The following HELZ2 variants were observed in gnomAD, a reference collection of about 807,000 sequenced individuals.
HELZ2 encodes helicase with zinc finger 2.
In HELZ2, 143 loss-of-function variants were observed where a neutral mutation model predicts 208.8. The observed-to-expected ratio is 0.68, with a 90% CI of 0.60 to 0.79. HELZ2 has a LOEUF of 0.79. Ranked by LOEUF, HELZ2 falls within the 30% of genes least tolerant of loss-of-function variation. HELZ2 has a pLI of 0.00. For missense variants in HELZ2, 3,690 were observed against 3,794.5 expected (o/e 0.97, Z 0.72); for synonymous variants, 1,705 against 1,693.7 (o/e 1.01, Z -0.16).
At chr20:63,565,271 T>C in exon 8 of HELZ2, 1 of 1,605,244 alleles carries the variant, frequency 6.2e-7, no homozygotes. Context: ...AAGCCGCCCC[T>C]CGGGCGCCTT....
rs1465085819 is a variant in HELZ2 at position 63,563,526 on chromosome 20, G to T, written c.5296C>A (p.Pro1766Thr). The T allele has an allele frequency of 1.7e-5, 25 of 1,512,792 alleles. No homozygotes were observed. Among genetic ancestry groups the T allele is most frequent in the Non-Finnish European group, 2.1e-5 (24 of 1,132,144 alleles). The allele number at this position is 1,512,792 out of a possible 1,614,324, so 93.7% of individuals were successfully genotyped here. ...CCGTAGGGGACGGGGCAGGGGTCAG[G>T]CAGCGTCTCCCGGTTGCTGGGGAAG... is the stretch of plus-strand genomic sequence containing the variant. Residue 1766 changes from proline to threonine, a missense_variant, in exon 8 of 19, where the codon CCT (proline) becomes ACT (threonine). This residue lies in a region of HELZ2 where 2,564 missense variants were observed against 2,580.5 expected (regional missense o/e 0.99). Transcript: ENST00000467148.
exon 5 of HELZ2, chr20:63,568,664 G>C: frequency 6.2e-7 from 1 of 1,605,320 alleles, no homozygotes; most frequent in Non-Finnish European, 8.5e-7. Flanking sequence ...GAAGGTCATC[G>C]GGTCAATCTG....
In HELZ2 at chr20:63,572,096, G is replaced by A. The variant is rs533803192; in HGVS notation, c.278+12C>T. ...CTGCCCTACTCCAAGCTCCTGCCTC[G>A]AGTATCCTTACTTTGGGCAGAGCTC... is the stretch of plus-strand genomic sequence containing the variant. On this transcript the variant is annotated intron_variant, in intron 1 of 18. Coordinates refer to ENST00000467148, the Ensembl canonical transcript of HELZ2. The A allele has an allele frequency of 7.5e-6, 12 of 1,599,954 alleles. No individual in the cohort carries two copies. Among genetic ancestry groups the A allele is most frequent in the South Asian group, 4.5e-5 (4 of 89,178 alleles).
chr20:63,560,875 G>C (rs1357514294), exon 15 of HELZ2: 2 of 1,613,152 alleles, frequency 1.2e-6, no homozygotes, highest in African/African-American at 2.7e-5. Context: ...AGGTTTTGCA[G>C]CCGCTCATTC....
chr20:63,560,560 C>T lies in HELZ2; in HGVS notation c.7419G>A (p.Gln2473=), dbSNP rs907476383. ...ACACCAGCAGGCTCCGCTCGTGGCC[C>T]TGCACGTGGCCAAAGATGACAGGGC... The change falls in exon 16 of 19, where the codon CAG becomes CAA. Residue 2473 remains glutamine, a synonymous_variant. Coordinates refer to ENST00000467148, the Ensembl canonical transcript of HELZ2. 8 of 1,612,792 alleles carry T rather than the reference C, an allele frequency of 5.0e-6. No individual in the cohort carries two copies. In the African/African-American group the frequency reaches 9.3e-5, roughly 19 times the overall value.
At chr20:63,558,302 G>C (rs1233551491), downstream of HELZ2, 1 of 147,508 alleles carries the variant, frequency 6.8e-6, no homozygotes, top group Admixed American at 6.7e-5. Flanking sequence ...GCATCGCCCC[G>C]GCACCCCCCA....
At chr20:63,559,968 A>G (rs3810477) in exon 18 of HELZ2, 914,122 of 1,611,352 alleles carry the variant, frequency 0.57, 263,172 homozygotes, top group East Asian at 0.88. Flanking sequence ...TGACAGCCAC[A>G]TTCACTTGGT....
intron 3 of HELZ2, chr20:63,570,077 T>A (rs406488): frequency 0.52 from 203,147 of 387,472 alleles, 58,101 homozygotes; most frequent in Middle Eastern, 0.64. Context: ...GCCTCCCGAG[T>A]AGATGGGATC....
downstream of HELZ2, chr20:63,559,035 T>C: frequency 3.7e-6 from 2 of 535,442 alleles, no homozygotes; most frequent in Non-Finnish European, 6.5e-6. Flanking sequence ...CTGAGAGGTG[T>C]TCCTGTCCCC....
At chr20:63,568,788 G>C in exon 5 of HELZ2, 1 of 1,611,300 alleles carries the variant, frequency 6.2e-7, no homozygotes, top group Non-Finnish European at 8.5e-7. Context: ...CTCTCCAGCC[G>C]CACCTCGAAC....
chr20:63,563,678 G>T, exon 8 of HELZ2: 1 of 1,574,164 alleles, frequency 6.4e-7, no homozygotes, highest in Non-Finnish European at 8.6e-7. Flanking sequence ...CTGGGCAAGT[G>T]CGTGCTGGAG....
At chr20:63,561,089 G>A (rs759722136) in exon 14 of HELZ2, 2 of 1,611,170 alleles carry the variant, frequency 1.2e-6, no homozygotes, top group East Asian at 4.5e-5. Flanking sequence ...AACCTTCTCG[G>A]CCTGTGGGAA....
chr20:63,562,860 G>A lies in HELZ2; in HGVS notation c.5962C>T (p.Arg1988Cys), dbSNP rs200554251. 2.3e-5 allele frequency: 37 copies of A among 1,607,664 alleles called. No homozygotes were observed. Among genetic ancestry groups the A allele is most frequent in the African/African-American group, 1.9e-4 (14 of 74,918 alleles). ...TCCTCGAGGAAGGCGGCCTCCAGGC[G>A]GAAGGCGCCCTGCAGCTGCCCCTGC... Residue 1988 changes from arginine (R) to cysteine (C), a missense_variant, in exon 8 of 19, where the codon CGC becomes TGC. Physicochemically the swap from Arg to Cys is radical, Grantham distance 180. Around this residue, in one of 3 missense-constraint regions of HELZ2, gnomAD observed 2,564 missense variants for 2,580.5 expected, o/e 0.99. Coordinates refer to ENST00000467148, the Ensembl canonical transcript of HELZ2.
In HELZ2 at chr20:63,572,211, AG is replaced by A. The variant is rs770913816; in HGVS notation, c.174del (p.Cys59AlafsTer112). The stretch of plus-strand genomic sequence containing the variant: ...ATCTGTGCGTGCTCCGAGGATGCGC[AG>A]TGGTTCTCGAAGGCCTCCTGAGAGT... On this transcript the variant is annotated frameshift_variant, in exon 1 of 19. Transcript: ENST00000467148. LOFTEE classifies it high-confidence loss of function. 1 of 1,604,914 alleles carries A rather than the reference AG, an allele frequency of 6.2e-7. No individual in the cohort carries two copies.
At chr20:63,573,794 G>C (rs1003546186), upstream of HELZ2, among the ~76,000 whole-genome samples, 1 of 152,124 alleles carries the variant, frequency 6.6e-6, no homozygotes, top group Non-Finnish European at 1.5e-5. This position sits in a 1 kb window ranked among gnomAD's most constrained non-coding sequence, Gnocchi z 4.9. Flanking sequence ...ACCGCAGCTG[G>C]GATGCTACAA....
chr20:63,562,891 C>T (rs2082905109), exon 8 of HELZ2: 2 of 1,601,716 alleles, frequency 1.2e-6, no homozygotes, highest in African/African-American at 2.7e-5. Context: ...CCTGCGGCGT[C>T]CGTGACGCCT....
intron 16 of HELZ2, 58 bp downstream of exon 17, chr20:63,560,421 C>A: frequency 6.3e-7 from 1 of 1,594,980 alleles, no homozygotes; most frequent in Non-Finnish European, 8.5e-7. Flanking sequence ...CAGACACTCA[C>A]CACCTCAGCC....
chr20:63,570,404 C>A (rs376723520), intron 3 of HELZ2, 100 bp downstream of exon 4: 1 of 945,046 alleles, frequency 1.1e-6, no homozygotes, highest in Non-Finnish European at 1.7e-6. Context: ...GGCAGTGCCT[C>A]GGTATTAGCT....
At chr20:63,558,460 G>C (rs1419445726), downstream of HELZ2, 2 of 152,382 alleles carry the variant, frequency 1.3e-5, no homozygotes, top group Admixed American at 1.3e-4. Context: ...GATGGTGGGA[G>C]AAAGGCCCCC....
Sources: gnomAD v4.1 joint callset for allele counts (sites outside exome capture counted in the v4.1 genomes callset) on GRCh38, gnomAD v4.1.1 for gene constraint, gnomAD v4.1.1 regional missense constraint, Gnocchi (gnomAD v3.1) non-coding constraint, MANE v1.5 for transcripts, NCBI Gene and HGNC (gene_info 2026-07-23, HGNC 2026-07-21) for gene names.